Variants in RALGAPB observed in about 807,000 individuals in gnomAD.
RALGAPB encodes Ral GTPase activating protein non-catalytic subunit beta, also known as ral GTPase-activating protein subunit beta.
In RALGAPB, 25 loss-of-function variants were observed where a neutral mutation model predicts 161.1. The ratio of observed to expected loss-of-function variants is 0.16; its 90% CI spans 0.11 to 0.22. RALGAPB has a LOEUF of 0.22. RALGAPB is among the 10% of genes least tolerant of loss of function. The pLI is 1.00. For synonymous variants in RALGAPB, 629 were observed against 626.1 expected, an observed-to-expected ratio of 1.00 and a Z score of -0.07; for missense variants, 1,391 against 1,815.2, an observed-to-expected ratio of 0.77 and a Z score of 4.25.
chr20:38,541,349 AT>A (rs139767762), intron 18 of RALGAPB, among the ~76,000 whole-genome samples, 157 bp downstream of exon 18: 12 of 149,250 alleles, frequency 8.0e-5, no homozygotes, highest in Non-Finnish European at 1.0e-4. Context: ...GAAAATCTCT[AT>A]TTTTTTTTTA....
At chr20:38,559,720 A>T (rs372101554) in intron 23 of RALGAPB, among the ~76,000 whole-genome samples, 1 of 152,186 alleles carries the variant, frequency 6.6e-6, no homozygotes, top group Non-Finnish European at 1.5e-5. Context: ...AGAAGGACTA[A>T]GTAAAACATA....
At chr20:38,570,690 G>T (rs1391456266) in intron 27 of RALGAPB, 79 bp from the exon 28 acceptor site, 22 of 888,040 alleles carry the variant, frequency 2.5e-5, no homozygotes, top group Non-Finnish European at 3.7e-5. Context: ...TATGTAAAGC[G>T]ATTAGAAAAT....
At chr20:38,490,568 G>A (rs943305750) in intron 2 of RALGAPB, among the ~76,000 whole-genome samples, 5 of 148,652 alleles carry the variant, frequency 3.4e-5, no homozygotes, top group Non-Finnish European at 7.4e-5. Flanking sequence ...GTGCAATGTC[G>A]CAATCTTAGC....
intron 7 of RALGAPB, 109 bp from the exon 8 acceptor site, chr20:38,517,397 G>C: frequency 2.7e-6 from 3 of 1,131,296 alleles, no homozygotes; most frequent in South Asian, 3.4e-5. Context: ...AGCAATCTCT[G>C]CTATAGTCTA....
chr20:38,569,619 T>C (rs1292400198), intron 26 of RALGAPB: 1 of 363,448 alleles, frequency 2.8e-6, no homozygotes, highest in Non-Finnish European at 5.1e-6. Context: ...GTGTAAATTT[T>C]GTTTTTATTA....
rs745956799 is a variant in RALGAPB, at chr20:38,499,483, G to C, written c.590G>C (p.Gly197Ala). The C allele has an allele frequency of 5.0e-6, 8 of 1,611,788 alleles. No homozygotes were observed. Among genetic ancestry groups the C allele is most frequent in the Non-Finnish European group, 6.8e-6 (8 of 1,179,040 alleles). Residue 197 changes from glycine to alanine, a missense_variant, in exon 5 of 30, where the codon GGT becomes GCT. Transcript: ENST00000262879. ...GAGAATCTAGCAGAGAAGTTGATTG[G>C]TGTTCTCTTTGAGGTGTGGTTACTA... ...IAENLAEKLI[G>A]VLFEVWLLAC...
intron 9 of RALGAPB, 61 bp downstream of exon 9, chr20:38,518,061 T>C (rs2086185575): frequency 6.9e-7 from 1 of 1,457,296 alleles, no homozygotes; most frequent in African/African-American, 1.4e-5. Context: ...TTTTTCTTTT[T>C]AGTCTTTCCT....
intron 5 of RALGAPB, among the ~76,000 whole-genome samples, chr20:38,502,969 T>A (rs1156340383): frequency 6.6e-6 from 1 of 152,198 alleles, no homozygotes; most frequent in Non-Finnish European, 1.5e-5. Flanking sequence ...GTATAATGGC[T>A]ATTCACACCT....
chr20:38,553,793 A>AC, intron 21 of RALGAPB, 74 bp from the exon 22 acceptor site: 24 of 864,438 alleles, frequency 2.8e-5, no homozygotes, highest in East Asian at 3.1e-5. Flanking sequence ...AAAAAAAAAA[A>AC]AAAAAAAACA....
chr20:38,526,293 T>C (rs1296827816), intron 13 of RALGAPB, among the ~76,000 whole-genome samples: 1 of 152,064 alleles, frequency 6.6e-6, no homozygotes, highest in East Asian at 1.9e-4. Context: ...CTTCTCTCCT[T>C]TCTCCACTCT....
chr20:38,477,152 C>T (rs1568890421), intron 1 of RALGAPB, among the ~76,000 whole-genome samples: 3 of 152,164 alleles, frequency 2.0e-5, no homozygotes, highest in Admixed American at 6.5e-5. Context: ...AGCCACTGGC[C>T]ACATGTGACT....
At chr20:38,506,889 A>G (rs1432585152) in intron 5 of RALGAPB, among the ~76,000 whole-genome samples, 3 of 152,320 alleles carry the variant, frequency 2.0e-5, no homozygotes, top group Admixed American at 1.3e-4. Flanking sequence ...AAACTAAAAA[A>G]TGAAGCTTTG....
chr20:38,517,320 C>T (rs1183726312), intron 7 of RALGAPB, among the ~76,000 whole-genome samples, 186 bp from the exon 8 acceptor site: 1 of 152,028 alleles, frequency 6.6e-6, no homozygotes, highest in Admixed American at 6.6e-5. Flanking sequence ...TCTGGGTAGC[C>T]ATGTCCATCT....
At chr20:38,482,119 A>G (rs1034052467) in intron 1 of RALGAPB, among the ~76,000 whole-genome samples, 9 of 152,178 alleles carry the variant, frequency 5.9e-5, no homozygotes, top group Non-Finnish European at 1.3e-4. Context: ...TTTTGTATAT[A>G]TATTATATGC....
intron 1 of RALGAPB, among the ~76,000 whole-genome samples, chr20:38,482,124 A>G (rs1289620987): frequency 6.6e-6 from 1 of 152,200 alleles, no homozygotes; most frequent in Non-Finnish European, 1.5e-5. Context: ...TATATATATT[A>G]TATGCTATAT....
rs2088516351 is a variant in RALGAPB at position 38,578,478 on chromosome 20, C to T, written c.*3511C>T. The T allele has an allele frequency of 6.6e-6, 1 of 152,558 alleles. No individual in the cohort carries two copies. Among genetic ancestry groups the T allele is most frequent in the African/African-American group, 2.4e-5 (1 of 41,430 alleles). The allele number at this position is 152,558 out of a possible 1,614,324, so 9.5% of individuals were successfully genotyped here. On this transcript the variant is annotated 3_prime_UTR_variant, in exon 30 of 30. Coordinates refer to ENST00000262879, the MANE Select transcript of RALGAPB (RefSeq NM_020336.4). ...ATACTTGTTGAAGCAAACCAAGTTT[C>T]CCAAGTCCTCATCTCTTATAGTGAC... is the stretch of plus-strand genomic sequence containing the variant.
At chr20:38,502,022 A>G (rs536125747) in intron 5 of RALGAPB, among the ~76,000 whole-genome samples, 175 of 151,760 alleles carry the variant, frequency 1.2e-3, no homozygotes, top group Non-Finnish European at 1.9e-3. Flanking sequence ...CTTATAGACT[A>G]TATACATGAT....
At chr20:38,541,252 A>G (rs2086954725) in intron 18 of RALGAPB, 60 bp downstream of exon 18, 8 of 1,488,328 alleles carry the variant, frequency 5.4e-6, no homozygotes, top group Non-Finnish European at 7.3e-6. Flanking sequence ...GCAGTGATCC[A>G]TGTTGTTTCA....
chr20:38,490,289 A>G (rs1406488954), intron 2 of RALGAPB, among the ~76,000 whole-genome samples: 2 of 151,982 alleles, frequency 1.3e-5, no homozygotes, highest in Non-Finnish European at 2.9e-5. Flanking sequence ...GCTCACTGCA[A>G]GCTCCACTTC....
Sources: gnomAD v4.1 joint callset for allele counts (sites outside exome capture counted in the v4.1 genomes callset) on GRCh38, gnomAD v4.1.1 for gene constraint, MANE v1.5 for transcripts, NCBI Gene and HGNC (gene_info 2026-07-23, HGNC 2026-07-21) for gene names.